GALNTL6: variants seen among roughly 807,000 people sequenced by gnomAD.
GALNTL6 encodes polypeptide N-acetylgalactosaminyltransferase-like 6.
GALNTL6 carries 46 observed loss-of-function variants against 73.7 expected under a neutral mutation model. The observed-to-expected ratio is 0.62, with a 90% CI of 0.49 to 0.80. The LOEUF (loss-of-function observed/expected upper bound fraction) is 0.80, where lower values mean the gene tolerates loss of function less well. GALNTL6 is among the 30% of genes least tolerant of loss of function. GALNTL6 has a pLI of 0.00. For synonymous variants in GALNTL6, 259 were observed against 263.7 expected, an observed-to-expected ratio of 0.98 and a Z score of 0.17; for missense variants, 604 against 755.0, an observed-to-expected ratio of 0.80 and a Z score of 2.34.
At chr4:172,195,522 C>T (rs775570105) in intron 2 of GALNTL6, among the ~76,000 whole-genome samples, 3 of 152,042 alleles carry the variant, frequency 2.0e-5, no homozygotes, top group Non-Finnish European at 4.4e-5. Flanking sequence ...TAAAATTGGC[C>T]ACATAACTGG....
chr4:172,456,166 A>G (rs576516349), intron 5 of GALNTL6, among the ~76,000 whole-genome samples: 2 of 152,314 alleles, frequency 1.3e-5, no homozygotes, highest in Admixed American at 6.5e-5. Context: ...ATCAACAAAA[A>G]GGACATTCAC....
chr4:172,440,388 G>A (rs1052229499), intron 5 of GALNTL6, among the ~76,000 whole-genome samples: 3 of 152,042 alleles, frequency 2.0e-5, no homozygotes, highest in African/African-American at 4.8e-5. Context: ...ATCTGGAAAG[G>A]CTACATACTA....
chr4:172,109,013 CAAA>C (rs202017302), intron 2 of GALNTL6, among the ~76,000 whole-genome samples: 24 of 108,330 alleles, frequency 2.2e-4, no homozygotes, highest in African/African-American at 1.6e-4. Context: ...ACTCCATCTC[CAAA>C]AAAAAAAAAA....
intron 5 of GALNTL6, among the ~76,000 whole-genome samples, chr4:172,559,742 A>G (rs1440379251): frequency 6.6e-6 from 1 of 152,216 alleles, no homozygotes; most frequent in Non-Finnish European, 1.5e-5. Context: ...GATAAAAAAT[A>G]GTGGCTAAAA....
chr4:172,988,498 G>A (rs1285308215), intron 10 of GALNTL6, among the ~76,000 whole-genome samples: 3 of 152,236 alleles, frequency 2.0e-5, no homozygotes, highest in African/African-American at 7.2e-5. Flanking sequence ...TAGGGAATTT[G>A]CAGCCTGACC....
At position 172,336,861 on chromosome 4, in the gene GALNTL6, C is replaced by T. The variant is rs187701682; in HGVS notation, c.387-11662C>T. On this transcript the variant is annotated intron_variant, in intron 4 of 12. Coordinates refer to ENST00000506823, the MANE Select transcript of GALNTL6 (RefSeq NM_001034845.3). ...GTGAGGTGTTGCAGCACCCCTCCAC[C>T]CCGTCCATTATTGTATGACTGTGTC... is the stretch of plus-strand genomic sequence containing the variant. 8.1e-4 allele frequency among the ~76,000 whole-genome samples: 123 copies of T among 152,190 alleles called. 2 individuals carry two copies. In the South Asian group the frequency reaches 0.016, roughly 19 times the overall value.
chr4:172,972,879 G>A (rs955957366), intron 10 of GALNTL6, among the ~76,000 whole-genome samples: 2 of 152,150 alleles, frequency 1.3e-5, no homozygotes, highest in Non-Finnish European at 2.9e-5. Context: ...TTTTTTAAAA[G>A]GGAGTTAGGA....
At chr4:172,127,845 G>T (rs910056542) in intron 2 of GALNTL6, among the ~76,000 whole-genome samples, 1 of 152,144 alleles carries the variant, frequency 6.6e-6, no homozygotes, top group Admixed American at 6.6e-5. Context: ...GCTCAAGCCT[G>T]AAATCCCAGC....
intron 7 of GALNTL6, among the ~76,000 whole-genome samples, chr4:172,829,033 A>T (rs1178279210): frequency 6.6e-6 from 1 of 152,204 alleles, no homozygotes; most frequent in Non-Finnish European, 1.5e-5. Flanking sequence ...TCCAAGCTGC[A>T]TGCATTCCTT....
chr4:172,295,888 G>T (rs1739654395), intron 3 of GALNTL6, among the ~76,000 whole-genome samples: 2 of 151,742 alleles, frequency 1.3e-5, no homozygotes, highest in African/African-American at 4.8e-5. Context: ...AGGAAGTTTT[G>T]TATACACTCG....
At chr4:172,970,962 G>C (rs942407888) in intron 10 of GALNTL6, among the ~76,000 whole-genome samples, 11 of 152,336 alleles carry the variant, frequency 7.2e-5, no homozygotes, top group African/African-American at 2.2e-4. Context: ...GACGGGGTAA[G>C]AAATTATGAA....
chr4:172,408,485 A>C (rs539020193), intron 5 of GALNTL6, among the ~76,000 whole-genome samples: 4 of 152,048 alleles, frequency 2.6e-5, no homozygotes, highest in Admixed American at 2.6e-4. Flanking sequence ...GACACATTTT[A>C]TCATATATTT....
intron 7 of GALNTL6, among the ~76,000 whole-genome samples, chr4:172,820,377 C>A (rs1741855448): frequency 6.6e-6 from 1 of 152,142 alleles, no homozygotes. Context: ...TTAGGGTTAC[C>A]TTAACCTATT....
intron 5 of GALNTL6, among the ~76,000 whole-genome samples, chr4:172,632,836 G>A (rs982823444): frequency 6.6e-6 from 1 of 152,222 alleles, no homozygotes; most frequent in Non-Finnish European, 1.5e-5. Context: ...CAGCCTTGGG[G>A]CATGGTGCCC....
intron 8 of GALNTL6, among the ~76,000 whole-genome samples, chr4:172,912,463 T>C (rs1747261351): frequency 6.6e-6 from 1 of 152,196 alleles, no homozygotes; most frequent in South Asian, 2.1e-4. Flanking sequence ...TTCCCTTTCC[T>C]AGACAAGGGA....
At chr4:171,824,479 T>A (rs1287333091) in intron 2 of GALNTL6, among the ~76,000 whole-genome samples, 1 of 152,090 alleles carries the variant, frequency 6.6e-6, no homozygotes, top group Admixed American at 6.6e-5. Context: ...GTGTAAGGCT[T>A]TAATAAGCTA....
intron 5 of GALNTL6, among the ~76,000 whole-genome samples, chr4:172,574,411 A>G (rs1736885395): frequency 1.3e-5 from 2 of 151,242 alleles, no homozygotes; most frequent in South Asian, 2.1e-4. Flanking sequence ...ACATAAATAA[A>G]TTGTTTATTA....
At chr4:171,869,979 A>T (rs545080354) in intron 2 of GALNTL6, among the ~76,000 whole-genome samples, 2 of 144,952 alleles carry the variant, frequency 1.4e-5, no homozygotes, top group African/African-American at 2.9e-5. Flanking sequence ...AAAACAGACT[A>T]ATACATTTTT....
At chr4:172,460,898 C>A (rs775848608) in intron 5 of GALNTL6, among the ~76,000 whole-genome samples, 29 of 152,272 alleles carry the variant, frequency 1.9e-4, no homozygotes, top group Non-Finnish European at 3.5e-4. Flanking sequence ...AATCATTCTA[C>A]TATAAAGATA....
Sources: gnomAD v4.1 joint callset for allele counts (sites outside exome capture counted in the v4.1 genomes callset) on GRCh38, gnomAD v4.1.1 for gene constraint, MANE v1.5 for transcripts, NCBI Gene and HGNC (gene_info 2026-07-23, HGNC 2026-07-21) for gene names.